PHF14: variants seen among roughly 807,000 people sequenced by gnomAD.
PHF14 encodes the protein PHD finger protein 14.
PHF14 carries 55 observed loss-of-function variants against 117.9 expected under a neutral mutation model. The ratio of observed to expected loss-of-function variants is 0.47; its 90% confidence interval spans 0.38 to 0.58. The LOEUF (loss-of-function observed/expected upper bound fraction) is 0.58. Ranked by LOEUF, PHF14 falls within the 20% of genes least tolerant of loss-of-function variation. PHF14 has a pLI of 0.00. For missense variants in PHF14, 978 were observed against 1,122.2 expected (o/e 0.87, Z 1.84); for synonymous variants, 409 against 368.6 (o/e 1.11, Z -1.26).
At chr7:11,133,585 T>A (rs1213682609) in intron 17 of PHF14, among the ~76,000 whole-genome samples, 2 of 151,828 alleles carry the variant, frequency 1.3e-5, no homozygotes, top group Non-Finnish European at 2.9e-5. Flanking sequence ...TTAGAGGAAG[T>A]TAGGGATCAG....
At chr7:11,164,342 A>C (rs922471653) in intron 17 of PHF14, among the ~76,000 whole-genome samples, 3 of 152,228 alleles carry the variant, frequency 2.0e-5, no homozygotes, top group African/African-American at 7.2e-5. Flanking sequence ...CTGATTACGA[A>C]GGAAATCTAT....
At chr7:11,095,054 A>G (rs1786793862) in intron 16 of PHF14, among the ~76,000 whole-genome samples, 1 of 152,172 alleles carries the variant, frequency 6.6e-6, no homozygotes, top group African/African-American at 2.4e-5. Flanking sequence ...ACACAAGTCA[A>G]CTGCCAGTAA....
At chr7:11,103,591 A>C in intron 16 of PHF14, 3 of 983,008 alleles carry the variant, frequency 3.1e-6, no homozygotes, top group Non-Finnish European at 3.6e-6. Flanking sequence ...AATTGCACTT[A>C]TACATGTAAA....
chr7:11,046,635 A>T (rs956470899), intron 13 of PHF14, among the ~76,000 whole-genome samples: 1 of 96,176 alleles, frequency 1.0e-5, no homozygotes, highest in Non-Finnish European at 1.9e-5. Context: ...TATATCTGCT[A>T]TTAAAGTTTT....
rs1450702323 is a variant in PHF14 at position 11,062,309 on chromosome 7, CAG to C, written c.2654+225_2654+226del. On this transcript the variant is annotated intron_variant, in intron 16 of 17. Transcript: ENST00000634607. The stretch of plus-strand genomic sequence containing the variant: ...AGAGTGATAATCTGCCTGTTTAACA[CAG>C]GGAATTATTTTTCTCTTGACAAGAG... 4 of 321,402 alleles carry C rather than the reference CAG, an allele frequency of 1.2e-5. No individual in the cohort carries two copies. The Admixed American group carries it at 1.5e-4, about 12-fold the overall frequency. 19.9% of individuals were successfully genotyped at this position (321,402 alleles called of 1,614,324 possible).
intron 16 of PHF14, among the ~76,000 whole-genome samples, chr7:11,069,711 T>C (rs1236192317): frequency 6.9e-6 from 1 of 145,964 alleles, no homozygotes; most frequent in Non-Finnish European, 1.5e-5. Flanking sequence ...CTTTCTTGTC[T>C]TTCCTTTTTT....
intron 16 of PHF14, among the ~76,000 whole-genome samples, chr7:11,097,414 A>T (rs977975986): frequency 2.6e-5 from 4 of 152,322 alleles, no homozygotes; most frequent in African/African-American, 9.6e-5. Flanking sequence ...ATAGGTATTG[A>T]TATCAGAGTC....
At chr7:11,036,308 G>A (rs1784325632) in intron 8 of PHF14, 110 bp from the exon 9 acceptor site, 1 of 952,824 alleles carries the variant, frequency 1.0e-6, no homozygotes, top group African/African-American at 1.7e-5. Flanking sequence ...TTTGGTGTGA[G>A]AAGTTCTGAT....
intron 16 of PHF14, among the ~76,000 whole-genome samples, chr7:11,086,355 T>C (rs1472050652): frequency 6.6e-6 from 1 of 152,184 alleles, no homozygotes; most frequent in African/African-American, 2.4e-5. Context: ...TAAATTTAGA[T>C]CATCGCAGGT....
intron 3 of PHF14, 80 bp from the exon 4 acceptor site, chr7:10,990,619 TTAAG>T (rs1186154387): frequency 5.3e-5 from 42 of 787,204 alleles, no homozygotes; most frequent in South Asian, 1.2e-4. Context: ...ATAATAATGT[TTAAG>T]TAATAAAGAA....
chr7:11,029,381 C>G (rs896818256), intron 7 of PHF14, among the ~76,000 whole-genome samples: 1 of 152,124 alleles, frequency 6.6e-6, no homozygotes, highest in African/African-American at 2.4e-5. Context: ...ATGTTACTTA[C>G]TTTTCTGAAC....
At chr7:11,011,611 A>G (rs1240393966) in intron 4 of PHF14, among the ~76,000 whole-genome samples, 2 of 152,228 alleles carry the variant, frequency 1.3e-5, no homozygotes, top group East Asian at 3.8e-4. Context: ...TTTGAGATGT[A>G]ATAAATGTGT....
chr7:11,008,536 T>A (rs1431794001), intron 4 of PHF14, among the ~76,000 whole-genome samples: 1 of 152,052 alleles, frequency 6.6e-6, no homozygotes, highest in Non-Finnish European at 1.5e-5. Context: ...GTTTCATACT[T>A]CTTATGAGAA....
At chr7:11,075,564 G>GTTTTTTT (rs3073111) in intron 16 of PHF14, among the ~76,000 whole-genome samples, 5 of 110,012 alleles carry the variant, frequency 4.5e-5, no homozygotes, top group Non-Finnish European at 7.3e-5. Flanking sequence ...AAGGAAAGAG[G>GTTTTTTT]TTTTTTTTTT....
intron 17 of PHF14, among the ~76,000 whole-genome samples, chr7:11,144,984 CAG>C (rs1328340628): frequency 6.6e-6 from 1 of 151,760 alleles, no homozygotes; most frequent in Non-Finnish European, 1.5e-5. Context: ...TAAACGGGAA[CAG>C]AGTTTTAGTT....
At chr7:10,987,112 A>C (rs986093467) in intron 3 of PHF14, among the ~76,000 whole-genome samples, 2 of 151,916 alleles carry the variant, frequency 1.3e-5, no homozygotes, top group African/African-American at 4.9e-5. Flanking sequence ...TCTATTTGGG[A>C]CTTCTAACTT....
intron 17 of PHF14, among the ~76,000 whole-genome samples, chr7:11,150,330 A>G (rs1037488921): frequency 1.3e-5 from 2 of 152,166 alleles, no homozygotes; most frequent in Non-Finnish European, 2.9e-5. Flanking sequence ...TGCTAAAGAA[A>G]CATGAAGGTT....
intron 16 of PHF14, among the ~76,000 whole-genome samples, chr7:11,082,792 T>C (rs1786201393): frequency 6.6e-6 from 1 of 152,218 alleles, no homozygotes; most frequent in East Asian, 1.9e-4. Context: ...AGTAGAATTT[T>C]GGTTTCATTT....
At chr7:11,124,559 A>G (rs984827928) in intron 17 of PHF14, among the ~76,000 whole-genome samples, 7 of 152,074 alleles carry the variant, frequency 4.6e-5, no homozygotes, top group African/African-American at 1.2e-4. Flanking sequence ...GTATAATTCT[A>G]TGTAATCCTC....
Sources: allele counts gnomAD v4.1 joint callset (sites outside exome capture counted in the v4.1 genomes callset), GRCh38; gene constraint gnomAD v4.1.1; transcripts MANE v1.5; gene names NCBI Gene and HGNC (gene_info 2026-07-23, HGNC 2026-07-21).